The following SCAI variants were observed in gnomAD, a reference collection of about 807,000 sequenced individuals.
The protein encoded by SCAI is protein SCAI.
A neutral mutation model predicts 92.2 loss-of-function variants in SCAI; 24 were observed. The ratio of observed to expected loss-of-function variants is 0.26; its 90% CI spans 0.19 to 0.37. The LOEUF is 0.37. SCAI is among the 10% of genes least tolerant of loss of function. The pLI, the probability that SCAI is intolerant of heterozygous loss-of-function variation, is 1.00. For missense variants in SCAI, 450 were observed against 736.2 expected (o/e 0.61, Z 4.50); for synonymous variants, 261 against 258.6 (o/e 1.01, Z -0.09).
intron 15 of SCAI, 52 bp from the exon 16 acceptor site, chr9:124,971,896 G>A (rs563552565): frequency 5.2e-5 from 58 of 1,110,430 alleles, no homozygotes; most frequent in Non-Finnish European, 6.2e-5. Flanking sequence ...CAAAAGATAA[G>A]AGATACATAT....
intron 14 of SCAI, 150 bp from the exon 15 acceptor site, chr9:124,976,336 C>A: frequency 1.6e-6 from 1 of 614,654 alleles, no homozygotes; most frequent in Non-Finnish European, 2.9e-6. Flanking sequence ...AGGAGACTGC[C>A]ATTCATATAT....
intron 14 of SCAI, among the ~76,000 whole-genome samples, chr9:124,985,213 T>G (rs954251956): frequency 6.6e-6 from 1 of 152,130 alleles, no homozygotes. Flanking sequence ...TGACACTTCC[T>G]CTCCCTTCCA....
intron 2 of SCAI, among the ~76,000 whole-genome samples, chr9:125,057,378 C>A (rs1417425669): frequency 6.6e-6 from 1 of 152,126 alleles, no homozygotes; most frequent in African/African-American, 2.4e-5. Flanking sequence ...GAGAAAAACA[C>A]AAATGAGAGT....
chr9:124,982,760 T>G (rs116985667), intron 14 of SCAI, among the ~76,000 whole-genome samples: 7 of 152,058 alleles, frequency 4.6e-5, no homozygotes, highest in Admixed American at 4.6e-4. Context: ...GAAATAATTT[T>G]GATAACTTTC....
At chr9:125,041,620 T>C (rs1307013213) in intron 3 of SCAI, among the ~76,000 whole-genome samples, 1 of 152,140 alleles carries the variant, frequency 6.6e-6, no homozygotes, top group Non-Finnish European at 1.5e-5. Context: ...AAAAGGGTTA[T>C]AAAGGAACAG....
chr9:125,102,006 A>G (rs1267030760), intron 2 of SCAI, among the ~76,000 whole-genome samples: 1 of 152,166 alleles, frequency 6.6e-6, no homozygotes. Context: ...CAAAGTTCTC[A>G]ACTCCAACAC....
chr9:125,077,865 C>A (rs990170987), intron 2 of SCAI, among the ~76,000 whole-genome samples: 1 of 151,990 alleles, frequency 6.6e-6, no homozygotes, highest in Non-Finnish European at 1.5e-5. Flanking sequence ...ATTATAGGCA[C>A]CTGCCACCAC....
chr9:125,022,693 C>A (rs1382609814), intron 6 of SCAI, among the ~76,000 whole-genome samples: 1 of 152,148 alleles, frequency 6.6e-6, no homozygotes, highest in East Asian at 1.9e-4. Context: ...GTTGGGATAA[C>A]AGGTGTGAGT....
rs1347133706 is a variant in SCAI, at chr9:125,032,198, T to A, written c.231-2459A>T. ...ATATATATATATATATATATATATT[T>A]TTTTTTTTTTTTGAGATGGAGTCTC... On this transcript the variant is annotated intron_variant, in intron 3 of 17. Transcript: ENST00000336505. Among the ~76,000 whole-genome samples the A allele has an allele frequency of 9.3e-4, 129 of 139,278 alleles. 2 individuals are homozygous for A. In the South Asian group the frequency reaches 9.3e-3, roughly 10 times the overall value. 91.4% of individuals were successfully genotyped at this position (139,278 alleles called of 152,430 possible).
intron 2 of SCAI, among the ~76,000 whole-genome samples, chr9:125,111,308 G>A (rs978644065): frequency 6.6e-6 from 1 of 152,018 alleles, no homozygotes. Context: ...AAAAGCATTT[G>A]ATAAAATTAA....
intron 3 of SCAI, among the ~76,000 whole-genome samples, chr9:125,054,108 G>C (rs576727875): frequency 1.3e-5 from 2 of 152,226 alleles, no homozygotes; most frequent in South Asian, 4.2e-4. Context: ...CCGAGCAGCT[G>C]TGACTTGAGG....
At chr9:125,137,427 T>C (rs1835562839) in intron 2 of SCAI, among the ~76,000 whole-genome samples, 2 of 152,212 alleles carry the variant, frequency 1.3e-5, no homozygotes, top group Admixed American at 1.3e-4. Flanking sequence ...CTATTCTAGC[T>C]GCTGGGGATA....
intron 2 of SCAI, among the ~76,000 whole-genome samples, chr9:125,064,137 A>C (rs1196311249): frequency 6.6e-6 from 1 of 152,230 alleles, no homozygotes; most frequent in Non-Finnish European, 1.5e-5. Context: ...CTAAATGAAG[A>C]AACAGACAAA....
At chr9:125,008,723 G>A (rs1365958261) in intron 9 of SCAI, among the ~76,000 whole-genome samples, 2 of 152,122 alleles carry the variant, frequency 1.3e-5, no homozygotes, top group African/African-American at 2.4e-5. Context: ...CACTGTGAAC[G>A]GGTCTACAAA....
intron 2 of SCAI, among the ~76,000 whole-genome samples, chr9:125,129,463 T>C (rs1197943646): frequency 3.9e-5 from 5 of 129,470 alleles, no homozygotes; most frequent in African/African-American, 8.7e-5. Context: ...TCTTTTTTTT[T>C]TTTTTTTTTT....
intron 5 of SCAI, among the ~76,000 whole-genome samples, chr9:125,028,113 A>C (rs144427161): frequency 6.6e-6 from 1 of 152,372 alleles, no homozygotes; most frequent in African/African-American, 2.4e-5. Context: ...TAAATCCTTT[A>C]GTATTAATCG....
intron 9 of SCAI, chr9:125,003,780 T>C (rs1475167059): frequency 1.7e-5 from 9 of 519,680 alleles, no homozygotes; most frequent in Non-Finnish European, 3.1e-5. Flanking sequence ...CTAGATCCTA[T>C]AATAAGCATT....
chr9:125,008,701 A>G (rs1832567049), intron 9 of SCAI, among the ~76,000 whole-genome samples: 1 of 152,230 alleles, frequency 6.6e-6, no homozygotes. Context: ...AGAATATAAC[A>G]GACACACGTG....
chr9:125,137,684 TC>T (rs933708911), intron 2 of SCAI, among the ~76,000 whole-genome samples: 1 of 152,172 alleles, frequency 6.6e-6, no homozygotes, highest in African/African-American at 2.4e-5. Flanking sequence ...CACCGCAACC[TC>T]CACCTCCCAG....
Sources: allele counts gnomAD v4.1 joint callset (sites outside exome capture counted in the v4.1 genomes callset), GRCh38; gene constraint gnomAD v4.1.1; transcripts MANE v1.5; gene names NCBI Gene and HGNC (gene_info 2026-07-23, HGNC 2026-07-21).